The following PIK3C2G variants were observed in gnomAD, a reference collection of about 807,000 sequenced individuals.
The protein encoded by PIK3C2G is phosphatidylinositol 3-kinase C2 domain-containing subunit gamma.
PIK3C2G carries 168 observed loss-of-function variants against 181.1 expected under a neutral mutation model. The observed-to-expected ratio is 0.93, with a 90% CI of 0.82 to 1.05. The LOEUF (loss-of-function observed/expected upper bound fraction) is 1.05. Ranked by LOEUF, PIK3C2G falls within the 50% of genes least tolerant of loss-of-function variation. The probability of loss-of-function intolerance (pLI) is 0.00; values close to 1 mark genes in which losing one functional copy is unlikely to be tolerated. For missense variants in PIK3C2G, 1,869 were observed against 1,732.8 expected (o/e 1.08, Z -1.40); for synonymous variants, 573 against 592.2 (o/e 0.97, Z 0.47).
intron 13 of PIK3C2G, among the ~76,000 whole-genome samples, chr12:18,371,942 C>T (rs1942093621): frequency 6.6e-6 from 1 of 152,072 alleles, no homozygotes; most frequent in South Asian, 2.1e-4. Context: ...TTTCACACGG[C>T]TAGTCTTGCT....
intron 12 of PIK3C2G, among the ~76,000 whole-genome samples, chr12:18,370,949 A>G (rs1460029470): frequency 6.6e-6 from 1 of 152,108 alleles, no homozygotes; most frequent in Non-Finnish European, 1.5e-5. Context: ...TTAAAAATAT[A>G]CCTACATGTC....
chr12:18,459,826 A>G (rs1314543781), intron 18 of PIK3C2G, among the ~76,000 whole-genome samples: 1 of 152,156 alleles, frequency 6.6e-6, no homozygotes, highest in African/African-American at 2.4e-5. Flanking sequence ...CAGTGGCCCA[A>G]TCTCGGCTCA....
intron 1 of PIK3C2G, among the ~76,000 whole-genome samples, chr12:18,250,511 G>A (rs1368539179): frequency 2.0e-5 from 3 of 151,996 alleles, no homozygotes; most frequent in Non-Finnish European, 1.5e-5. Context: ...AGAAGGTGGC[G>A]CTGTAGAATA....
At chr12:18,672,286 C>A in the PIK3C2G span, among the ~76,000 whole-genome samples, 1 of 152,026 alleles carries the variant, frequency 6.6e-6, no homozygotes, top group Non-Finnish European at 1.5e-5. Context: ...ATTCTCAGCA[C>A]CTCTATTACT....
chr12:18,723,409 C>G, the PIK3C2G span: 1 of 1,613,020 alleles, frequency 6.2e-7, no homozygotes, highest in Non-Finnish European at 8.5e-7. Context: ...AGCCAGATTA[C>G]TTGCTAAAAG....
chr12:18,641,785 T>C (rs947493999), intron 32 of PIK3C2G, among the ~76,000 whole-genome samples: 14 of 139,014 alleles, frequency 1.0e-4, no homozygotes, highest in African/African-American at 4.0e-4. Flanking sequence ...CTTCACTCTG[T>C]GTCTAGCAGG....
At chr12:18,655,541 A>G in the PIK3C2G span, among the ~76,000 whole-genome samples, 120,311 of 152,044 alleles carry the variant, frequency 0.79, 47,668 homozygotes, top group Admixed American at 0.82. Flanking sequence ...TAGTGACGTC[A>G]TCCTGAAGAA....
chr12:18,549,299 A>G (rs1944605180), intron 26 of PIK3C2G, among the ~76,000 whole-genome samples: 1 of 152,064 alleles, frequency 6.6e-6, no homozygotes, highest in Admixed American at 6.6e-5. Flanking sequence ...TCCCAATTCT[A>G]AGAATATCTG....
the PIK3C2G span, among the ~76,000 whole-genome samples, chr12:18,722,491 G>A: frequency 2.0e-5 from 3 of 151,966 alleles, no homozygotes; most frequent in Non-Finnish European, 1.5e-5. Context: ...AACTTAAAGA[G>A]GCAAAACTAG....
At chr12:18,713,588 C>T in the PIK3C2G span, 7 of 153,132 alleles carry the variant, frequency 4.6e-5, no homozygotes, top group African/African-American at 7.2e-5. Context: ...ATCCTTATCT[C>T]TCTAACCATT....
chr12:18,684,285 A>G, the PIK3C2G span: 1 of 1,597,212 alleles, frequency 6.3e-7, no homozygotes, highest in Non-Finnish European at 8.6e-7. Flanking sequence ...AAAAGCTGAA[A>G]TATAAAAAAA....
intron 18 of PIK3C2G, among the ~76,000 whole-genome samples, chr12:18,483,988 T>A (rs1283567286): frequency 6.6e-6 from 1 of 152,090 alleles, no homozygotes; most frequent in African/African-American, 2.4e-5. Context: ...CATGCTGTTC[T>A]CCAGGAAGAA....
chr12:18,274,466 T>G (rs1948888171), intron 1 of PIK3C2G, among the ~76,000 whole-genome samples: 1 of 152,190 alleles, frequency 6.6e-6, no homozygotes, highest in Non-Finnish European at 1.5e-5. Flanking sequence ...TGGAATACTA[T>G]GCAACCATAA....
intron 18 of PIK3C2G, among the ~76,000 whole-genome samples, chr12:18,465,464 C>A (rs1247113374): frequency 6.6e-6 from 1 of 151,804 alleles, no homozygotes; most frequent in African/African-American, 2.4e-5. Flanking sequence ...TTCTTTCTAC[C>A]TGAAAAGGCT....
chr12:18,629,120 C>T (rs1047771949), intron 31 of PIK3C2G, among the ~76,000 whole-genome samples: 1 of 152,140 alleles, frequency 6.6e-6, no homozygotes, highest in African/African-American at 2.4e-5. Context: ...GATCCAGCCC[C>T]CTGGCCTAAC....
chr12:18,619,786 G>A (rs1381829346), intron 31 of PIK3C2G, among the ~76,000 whole-genome samples: 2 of 149,468 alleles, frequency 1.3e-5, no homozygotes, highest in Non-Finnish European at 3.0e-5. Flanking sequence ...CCATAGTGGC[G>A]CGATCTCGGC....
intron 18 of PIK3C2G, among the ~76,000 whole-genome samples, chr12:18,431,220 T>C (rs1212834485): frequency 6.6e-6 from 1 of 152,260 alleles, no homozygotes; most frequent in East Asian, 1.9e-4. Context: ...AACCTAATGA[T>C]TATGGGAATT....
At chr12:18,694,931 C>T in the PIK3C2G span, 1 of 1,599,696 alleles carries the variant, frequency 6.3e-7, no homozygotes, top group East Asian at 2.2e-5. Flanking sequence ...GTGTAATTGG[C>T]ATACCCTCTT....
At chr12:18,493,062 T>C (rs913423544) in intron 20 of PIK3C2G, 4 of 152,282 alleles carry the variant, frequency 2.6e-5, no homozygotes, top group Admixed American at 6.5e-5. Flanking sequence ...TATCCTCCAG[T>C]CCCATTGAAC....
Sources: gnomAD v4.1 joint callset for allele counts (sites outside exome capture counted in the v4.1 genomes callset) on GRCh38, gnomAD v4.1.1 for gene constraint, MANE v1.5 for transcripts, NCBI Gene and HGNC (gene_info 2026-07-23, HGNC 2026-07-21) for gene names.